ARAP1: variants seen among roughly 807,000 people sequenced by gnomAD.
The protein encoded by ARAP1 is arf-GAP with Rho-GAP domain, ANK repeat and PH domain-containing protein 1.
A neutral mutation model predicts 172.2 loss-of-function variants in ARAP1; 76 were observed. The ratio of observed to expected loss-of-function variants is 0.44; its 90% CI spans 0.37 to 0.53. ARAP1 has a LOEUF of 0.53. Ranked by LOEUF, ARAP1 falls within the 20% of genes least tolerant of loss-of-function variation. The pLI is 0.00. For missense variants in ARAP1, 1,686 were observed against 1,977.5 expected (o/e 0.85, Z 2.80); for synonymous variants, 804 against 803.3 (o/e 1.00, Z -0.01).
chr11:72,719,161 C>T (rs1197676417), intron 3 of ARAP1, among the ~76,000 whole-genome samples: 1 of 152,170 alleles, frequency 6.6e-6, no homozygotes, highest in Non-Finnish European at 1.5e-5. Flanking sequence ...GCCAGGGTCC[C>T]AGGGCTTCTC....
Position 72,697,010 on chromosome 11 carries a change from G to C in ARAP1, c.3139C>G (p.Gln1047Glu), listed in dbSNP as rs56200889. ...GAGGCCTCCAGCCAGGTTAGGCGCT[G>C]GGCGCGAGTGAAGAGCCCATCAGGC... ...DLPDGLFTRA[Q>E]RLTWLEASEI... The change falls in exon 22 of 35, where the codon CAG becomes GAG. Residue 1047 changes from glutamine to glutamate, a missense_variant. Around this residue, in one of 5 missense-constraint regions of ARAP1, gnomAD observed 274 missense variants for 262.7 expected, o/e 1.04. Coordinates refer to ENST00000393609, the MANE Select transcript of ARAP1 (RefSeq NM_001040118.3). 417,392 of 1,607,134 alleles carry C rather than the reference G, an allele frequency of 0.26. 55,317 individuals are homozygous for C. Among genetic ancestry groups the C allele is most frequent in the South Asian group, 0.29 (26,220 of 91,038 alleles).
chr11:72,710,331 T>G lies in ARAP1; in HGVS notation c.1416+54A>C. ...GCAGGGCTAAGGCCCTAGGTCAGCCTGGGGCAGGGTAGGTGGACATGGGCA... is the reference window on the plus strand; with the variant it reads ...GCAGGGCTAAGGCCCTAGGTCAGCCGGGGGCAGGGTAGGTGGACATGGGCA... On this transcript the variant is annotated intron_variant, in intron 10 of 34. Coordinates refer to ENST00000393609, the MANE Select transcript of ARAP1 (RefSeq NM_001040118.3). This position sits in a 1 kb window ranked among gnomAD's most constrained non-coding sequence, Gnocchi z 4.3. 6.2e-7 allele frequency: 1 copy of G among 1,602,476 alleles called. No individual in the cohort carries two copies. Among genetic ancestry groups the G allele is most frequent in the Non-Finnish European group, 8.5e-7 (1 of 1,171,232 alleles).
chr11:72,701,622 T>C (rs2135517012), intron 16 of ARAP1, 27 bp downstream of exon 16: 1 of 1,605,760 alleles, frequency 6.2e-7, no homozygotes. Context: ...TGCCATGGGC[T>C]AAAGCAGAGT....
intron 1 of ARAP1, among the ~76,000 whole-genome samples, chr11:72,736,761 T>C (rs183721757): frequency 6.6e-6 from 1 of 152,168 alleles, no homozygotes; most frequent in South Asian, 2.1e-4. Flanking sequence ...TGGTTCCCAG[T>C]GCCTTCGAGC....
intron 30 of ARAP1, among the ~76,000 whole-genome samples, chr11:72,690,827 G>A (rs1855904171): frequency 6.6e-6 from 1 of 152,194 alleles, no homozygotes; most frequent in Admixed American, 6.5e-5. Flanking sequence ...GTGCCTCAGG[G>A]TCTTTAACAA....
intron 34 of ARAP1, 145 bp from the exon 35 acceptor site, chr11:72,685,826 AG>A (rs1247147907): frequency 1.5e-6 from 2 of 1,355,436 alleles, no homozygotes; most frequent in East Asian, 4.7e-5. Flanking sequence ...TCCCAGGGCC[AG>A]GCAGAGGGGA....
chr11:72,687,776 G>A, intron 31 of ARAP1, 38 bp from the exon 32 acceptor site: 1 of 1,611,850 alleles, frequency 6.2e-7, no homozygotes, highest in East Asian at 2.2e-5. Flanking sequence ...GTGTTTGACA[G>A]GCCATAGAGG....
At chr11:72,714,440 A>T (rs1857185546) in intron 3 of ARAP1, 119 bp from the exon 4 acceptor site, 1 of 1,014,116 alleles carries the variant, frequency 9.9e-7, no homozygotes, top group African/African-American at 1.7e-5. Flanking sequence ...TCACACAGAC[A>T]GGAGCCCTCC....
chr11:72,685,793 C>T (rs1425020222), intron 34 of ARAP1, 112 bp from the exon 35 acceptor site: 2 of 1,473,208 alleles, frequency 1.4e-6, no homozygotes, highest in African/African-American at 1.4e-5. Flanking sequence ...CCGGGGAGCA[C>T]TCCAATCAGC....
intron 31 of ARAP1, 54 bp from the exon 32 acceptor site, chr11:72,687,792 C>T (rs956980095): frequency 3.1e-6 from 5 of 1,599,114 alleles, no homozygotes; most frequent in African/African-American, 2.7e-5. Context: ...AGAGGCTCAA[C>T]ACCCCAGTTC....
chr11:72,703,066 G>A lies in ARAP1; in HGVS notation c.2006C>T (p.Ala669Val), dbSNP rs1856570335. 1 of 1,584,570 alleles carries A rather than the reference G, an allele frequency of 6.3e-7. No homozygotes were observed. ...QEELDKALCA[A>V]VTTTDLAETQ... ...CTCAGCCAGGTCTGTGGTGGTGACT[G>A]CAGCACACAGGGCCTAGGAAGAGGC... The change falls in exon 15 of 35, where the codon GCA becomes GTA. Residue 669 changes from alanine to valine, a missense_variant. This residue lies in a region of ARAP1 where 688 missense variants were observed against 856.9 expected (regional missense o/e 0.80). Transcript: ENST00000393609.
chr11:72,713,329 C>A, intron 4 of ARAP1, 86 bp from the exon 5 acceptor site: 1 of 1,307,860 alleles, frequency 7.6e-7, no homozygotes, highest in South Asian at 1.2e-5. Context: ...CAAAGCCTCC[C>A]CCATGCCAAG....
At position 72,726,451 on chromosome 11, in the gene ARAP1, T is replaced by C. The variant is rs1857690961; in HGVS notation, c.509+169A>G. ...GCTGAGTACCTGCACAGCTCTCCCC[T>C]CCTCCTGAGTCACCAGACAGCAATC... On this transcript the variant is annotated intron_variant, in intron 3 of 34. Transcript: ENST00000393609. The surrounding 1 kb of genome is among the most constrained non-coding windows in gnomAD (Gnocchi z 6.5). 6.6e-6 allele frequency among the ~76,000 whole-genome samples: 1 copy of C among 151,960 alleles called. No homozygotes were observed. The highest frequency in any genetic ancestry group is 3.2e-3 in the Middle Eastern group (1 of 316).
chr11:72,697,378 C>A lies in ARAP1; in HGVS notation c.2898G>T (p.Gly966=). 2 of 1,608,806 alleles carry A rather than the reference C, an allele frequency of 1.2e-6. No individual in the cohort carries two copies. Among genetic ancestry groups the A allele is most frequent in the Non-Finnish European group, 1.7e-6 (2 of 1,177,828 alleles). The change falls in exon 21 of 35, where the codon GGG becomes GGT. Residue 966 remains glycine (G), a synonymous_variant. Coordinates refer to ENST00000393609, the MANE Select transcript of ARAP1 (RefSeq NM_001040118.3). Reference sequence around the variant, plus strand: ...ACACGATCACCGGGATATCCGAGTCCCCAAGCTGCTGCTCCGACAGCGTGT... The same window carrying A: ...ACACGATCACCGGGATATCCGAGTCACCAAGCTGCTGCTCCGACAGCGTGT... ...MGDTLSEQQL[G]DSDIPVIVYR...
chr11:72,735,786 A>G (rs1858004494), intron 1 of ARAP1, among the ~76,000 whole-genome samples: 1 of 152,198 alleles, frequency 6.6e-6, no homozygotes, highest in Admixed American at 6.5e-5. Context: ...CTATTCCTGC[A>G]CTAAGGGCAT....
chr11:72,705,753 CTGT>C lies in ARAP1; in HGVS notation c.1809+49_1809+51del, dbSNP rs994130065. 1.4e-5 allele frequency: 23 copies of C among 1,594,958 alleles called. No homozygotes were observed. The African/African-American group carries it at 3.1e-4, about 21-fold the overall frequency. On this transcript the variant is annotated intron_variant, in intron 13 of 34. Transcript: ENST00000393609. ...GGAGGGGGCTGGGAGACCCAGACAG[CTGT>C]TGAATGGGGCAGACCCCAAGTATCG... is the stretch of plus-strand genomic sequence containing the variant.
At chr11:72,733,418 G>C (rs1343315183) in intron 1 of ARAP1, among the ~76,000 whole-genome samples, 1 of 152,206 alleles carries the variant, frequency 6.6e-6, no homozygotes, top group African/African-American at 2.4e-5. Context: ...GAGGGCACAA[G>C]TAGGGTAACT....
At chr11:72,703,324 A>C (rs888769655) in intron 14 of ARAP1, 1 of 354,242 alleles carries the variant, frequency 2.8e-6, no homozygotes, top group African/African-American at 2.2e-5. Flanking sequence ...CCGGGGCCTC[A>C]CCCCTGCTGG....
At chr11:72,708,845 T>G (rs951356732) in intron 11 of ARAP1, among the ~76,000 whole-genome samples, 23 of 152,304 alleles carry the variant, frequency 1.5e-4, no homozygotes, top group African/African-American at 5.5e-4. Context: ...GAGACCAGCC[T>G]GACCAACACG....
Sources: allele counts gnomAD v4.1 joint callset (sites outside exome capture counted in the v4.1 genomes callset), GRCh38; gene constraint gnomAD v4.1.1; regional missense constraint gnomAD v4.1.1; non-coding constraint Gnocchi (gnomAD v3.1); transcripts MANE v1.5; gene names NCBI Gene and HGNC (gene_info 2026-07-23, HGNC 2026-07-21).